SYN2: variants seen among roughly 807,000 people sequenced by gnomAD.
The protein encoded by SYN2 is synapsin-2.
Under a neutral mutation model 50.9 loss-of-function variants are expected in SYN2, and 19 were observed. That is an observed-to-expected ratio of 0.37 (90% confidence interval 0.26 to 0.55). The LOEUF (loss-of-function observed/expected upper bound fraction) is 0.55, where lower values mean the gene tolerates loss of function less well. Ranked by LOEUF, SYN2 falls within the 20% of genes least tolerant of loss-of-function variation. The pLI is 0.81. For missense variants in SYN2, 587 were observed against 576.4 expected, an observed-to-expected ratio of 1.02 and a Z score of -0.19; for synonymous variants, 255 against 224.9, an observed-to-expected ratio of 1.13 and a Z score of -1.20.
At chr3:12,172,005 T>G (rs1697948268) in intron 10 of SYN2, among the ~76,000 whole-genome samples, 1 of 152,214 alleles carries the variant, frequency 6.6e-6, no homozygotes, top group Non-Finnish European at 1.5e-5. Context: ...TCCCTAAATA[T>G]AGCATCTCTT....
intron 1 of SYN2, among the ~76,000 whole-genome samples, chr3:12,122,823 A>G (rs1696589360): frequency 6.6e-6 from 1 of 152,212 alleles, no homozygotes; most frequent in African/African-American, 2.4e-5. Context: ...ATAAAATGGT[A>G]AAAAGATCTC....
intron 1 of SYN2, among the ~76,000 whole-genome samples, chr3:12,006,409 C>T (rs1390435516): frequency 6.6e-6 from 1 of 152,152 alleles, no homozygotes; most frequent in African/African-American, 2.4e-5. Context: ...ATTACTCTGA[C>T]TCAGTTCATA....
At chr3:12,163,931 G>C (rs1443188175) in intron 7 of SYN2, among the ~76,000 whole-genome samples, 1 of 152,054 alleles carries the variant, frequency 6.6e-6, no homozygotes, top group South Asian at 2.1e-4. Flanking sequence ...ACAAAAATTA[G>C]CTGGATGTGG....
At chr3:12,125,016 A>T (rs1696638370) in intron 1 of SYN2, among the ~76,000 whole-genome samples, 1 of 151,826 alleles carries the variant, frequency 6.6e-6, no homozygotes, top group Admixed American at 6.6e-5. Flanking sequence ...GCTGCTGAGG[A>T]TTTTTCTTTT....
chr3:12,147,801 C>T (rs1697186718), intron 4 of SYN2, among the ~76,000 whole-genome samples: 1 of 152,130 alleles, frequency 6.6e-6, no homozygotes, highest in Non-Finnish European at 1.5e-5. Context: ...TTACAGGCTC[C>T]TAGTGTATGG....
chr3:12,094,597 A>G lies in SYN2; in HGVS notation c.378-46054A>G, dbSNP rs552477171. 7.2e-5 allele frequency among the ~76,000 whole-genome samples: 11 copies of G among 152,340 alleles called. No individual in the cohort carries two copies. The South Asian group carries it at 2.3e-3, about 32-fold the overall frequency. On this transcript the variant is annotated intron_variant, in intron 1 of 12. Coordinates refer to ENST00000621198, the MANE Select transcript of SYN2 (RefSeq NM_133625.6). ...AAGTAACTTAGCCATTCTGAGTCTC[A>G]GTTTCAAGATGAGGGGGTGAGTGTA...
intron 5 of SYN2, chr3:12,154,207 C>G: frequency 4.2e-6 from 6 of 1,445,198 alleles, no homozygotes; most frequent in Non-Finnish European, 5.7e-6. Context: ...CTTTCTCATC[C>G]CCAACTTCAT....
At chr3:12,032,020 G>A (rs1451569280) in intron 1 of SYN2, among the ~76,000 whole-genome samples, 22 of 143,852 alleles carry the variant, frequency 1.5e-4, no homozygotes, top group African/African-American at 2.2e-4. Flanking sequence ...GGCTGGTACC[G>A]GTTGTTCCTT....
chr3:12,175,041 A>G (rs541679362), intron 10 of SYN2, among the ~76,000 whole-genome samples: 1 of 152,340 alleles, frequency 6.6e-6, no homozygotes, highest in East Asian at 1.9e-4. Context: ...AGGGTGTACC[A>G]AGGGGAGACA....
intron 1 of SYN2, among the ~76,000 whole-genome samples, chr3:12,124,944 TTA>T (rs1456135269): frequency 6.6e-6 from 1 of 152,204 alleles, no homozygotes; most frequent in Non-Finnish European, 1.5e-5. Flanking sequence ...AACAAGTATG[TTA>T]TATTCTTTAA....
At chr3:12,093,654 A>T (rs1695873805) in intron 1 of SYN2, among the ~76,000 whole-genome samples, 1 of 152,142 alleles carries the variant, frequency 6.6e-6, no homozygotes, top group African/African-American at 2.4e-5. Context: ...CTTTTGCTGA[A>T]ATCAGTTGCT....
chr3:12,089,281 T>C (rs1419135651), intron 1 of SYN2, among the ~76,000 whole-genome samples: 1 of 152,188 alleles, frequency 6.6e-6, no homozygotes, highest in Non-Finnish European at 1.5e-5. Context: ...CTTACATGGC[T>C]GCAGGCAAGA....
intron 1 of SYN2, among the ~76,000 whole-genome samples, chr3:12,099,964 CA>C (rs1413918070): frequency 1.3e-4 from 1 of 7,664 alleles, no homozygotes; most frequent in Non-Finnish European, 2.4e-4. Flanking sequence ...GACTCTGTCT[CA>C]AAAAAAAAAG....
intron 7 of SYN2, among the ~76,000 whole-genome samples, chr3:12,163,623 T>G (rs1697711345): frequency 6.6e-6 from 1 of 152,190 alleles, no homozygotes; most frequent in South Asian, 2.1e-4. Context: ...GCAGAAACAT[T>G]AATAGGCACC....
chr3:12,030,486 C>T (rs1470665269), intron 1 of SYN2, among the ~76,000 whole-genome samples: 7 of 149,664 alleles, frequency 4.7e-5, no homozygotes, highest in East Asian at 3.9e-4. Context: ...TGGTAGAATT[C>T]GGCTGTGAAT....
intron 1 of SYN2, among the ~76,000 whole-genome samples, chr3:12,138,204 G>T (rs1696941374): frequency 6.6e-6 from 1 of 152,212 alleles, no homozygotes; most frequent in Non-Finnish European, 1.5e-5. Context: ...TGCCCCATCT[G>T]CCGGCCATCT....
intron 7 of SYN2, among the ~76,000 whole-genome samples, chr3:12,162,510 A>C (rs1446691297): frequency 6.6e-6 from 1 of 152,206 alleles, no homozygotes; most frequent in African/African-American, 2.4e-5. Context: ...TTCCTACTTT[A>C]AAATAATGGT....
intron 11 of SYN2, 133 bp downstream of exon 11, chr3:12,183,505 G>A: frequency 1.3e-6 from 2 of 1,585,742 alleles, no homozygotes; most frequent in Non-Finnish European, 1.7e-6. Context: ...AGGAAAGCGG[G>A]GAGGGGAAAA....
At chr3:12,068,144 GCT>G (rs551153365) in intron 1 of SYN2, among the ~76,000 whole-genome samples, 293 of 152,186 alleles carry the variant, frequency 1.9e-3, no homozygotes, top group African/African-American at 6.7e-3. Context: ...ACTTGATATC[GCT>G]CTTTTTTTAT....
Sources: gnomAD v4.1 joint callset for allele counts (sites outside exome capture counted in the v4.1 genomes callset) on GRCh38, gnomAD v4.1.1 for gene constraint, MANE v1.5 for transcripts, NCBI Gene and HGNC (gene_info 2026-07-23, HGNC 2026-07-21) for gene names.